The following NPIPB9 variants were observed in gnomAD, a reference collection of about 807,000 sequenced individuals.
NPIPB9 encodes nuclear pore complex interacting protein family member B9.
In NPIPB9, 1 loss-of-function variant was observed where a neutral mutation model predicts 5.6. The ratio of observed to expected loss-of-function variants is 0.18; its 90% confidence interval spans 0.06 to 0.84. The LOEUF (loss-of-function observed/expected upper bound fraction) is 0.84, where lower values mean the gene tolerates loss of function less well. NPIPB9 is among the 40% of genes least tolerant of loss of function. The probability of loss-of-function intolerance (pLI) is 0.70; values close to 1 mark genes in which losing one functional copy is unlikely to be tolerated. For synonymous variants in NPIPB9, 2 were observed against 12.5 expected, an observed-to-expected ratio of 0.16 and a Z score of 1.77; for missense variants, 3 against 39.1, an observed-to-expected ratio of 0.08 and a Z score of 2.46.
At chr16:28,765,397 T>C (rs1162597950) in intron 3 of NPIPB9, among the ~76,000 whole-genome samples, 9 of 49,480 alleles carry the variant, frequency 1.8e-4, no homozygotes, top group Admixed American at 3.7e-4. Flanking sequence ...CTACCGCACC[T>C]GGGCTATTTT....
intron 3 of NPIPB9, among the ~76,000 whole-genome samples, chr16:28,765,406 T>C (rs2049140264): frequency 1.8e-5 from 1 of 54,290 alleles, no homozygotes; most frequent in Non-Finnish European, 3.3e-5. Context: ...CTGGGCTATT[T>C]TTTTTTTTTT....
rs3986723 is a variant in NPIPB9 at position 28,752,524 on chromosome 16, A to G, written c.-44A>G. ...CCCACAGTTCCTGTCGCATGACCAG[A>G]GCCAGTTCACCAAGGAGCTGCAGCA... is the stretch of plus-strand genomic sequence containing the variant. On this transcript the variant is annotated 5_prime_UTR_variant, in exon 1 of 8. Transcript: ENST00000550983. 1.9e-5 allele frequency: 26 copies of G among 1,378,476 alleles called. 7 individuals are homozygous for G. Among genetic ancestry groups the G allele is most frequent in the South Asian group, 1.4e-4 (12 of 83,398 alleles). The allele number at this position is 1,378,476 out of a possible 1,614,324, so 85.4% of individuals were successfully genotyped here. A position where few individuals can be genotyped will look rare whatever the true frequency, so the allele number is the denominator to read the frequency against.
At chr16:28,758,517 C>CCCTCCCCTT (rs2048925407) in intron 2 of NPIPB9, 2 of 52,996 alleles carry the variant, frequency 3.8e-5, no homozygotes, top group Admixed American at 1.8e-4. Flanking sequence ...CCCTTACTTC[C>CCCTCCCCTT]CCCCTTCCCC....
rs1185553979 is a variant in NPIPB9, at chr16:28,753,525, CAT to C, written c.25+935_25+936del. ...ATATAGATACACACACACACACACA[CAT>C]ACATACACACACACACACACACACA... On this transcript the variant is annotated intron_variant, in intron 1 of 7. Coordinates refer to ENST00000550983, the Ensembl canonical transcript of NPIPB9. 4.7e-3 allele frequency among the ~76,000 whole-genome samples: 214 copies of C among 46,000 alleles called. 8 individuals are homozygous for C. The highest frequency in any genetic ancestry group is 9.8e-3 in the African/African-American group (131 of 13,366). The allele number at this position is 46,000 out of a possible 152,430, so 30.2% of individuals were successfully genotyped here.
In NPIPB9 at chr16:28,763,641, CT is replaced by C. The variant is rs1217435938; in HGVS notation, c.294+1224del. On this transcript the variant is annotated intron_variant, in intron 3 of 7. Transcript: ENST00000550983. ...AATTTTTGGTATAAATTGGAGGAAG[CT>C]TTTTTTTTTTTTTTTCCTTTTCTCA... is the stretch of plus-strand genomic sequence containing the variant. Among the ~76,000 whole-genome samples, 243 of 30,910 alleles carry C rather than the reference CT, an allele frequency of 7.9e-3. 36 individuals are homozygous for C. The highest frequency in any genetic ancestry group is 0.01 in the Non-Finnish European group (186 of 18,036). 20.3% of individuals were successfully genotyped at this position (30,910 alleles called of 152,430 possible). A position where few individuals can be genotyped will look rare whatever the true frequency, so the allele number is the denominator to read the frequency against.
At chr16:28,753,372 AT>A (rs1222755039) in intron 1 of NPIPB9, among the ~76,000 whole-genome samples, 1 of 59,266 alleles carries the variant, frequency 1.7e-5, no homozygotes, top group East Asian at 4.1e-4. Flanking sequence ...ATTCTCCTTC[AT>A]TTGTTTTGAA....
chr16:28,756,112 C>A (rs2048803256), intron 1 of NPIPB9, among the ~76,000 whole-genome samples: 2 of 78,808 alleles, frequency 2.5e-5, no homozygotes, highest in African/African-American at 7.9e-5. Flanking sequence ...GTACTCTCTG[C>A]CATTCACTTT....
At chr16:28,753,523 C>T (rs1176462755) in intron 1 of NPIPB9, among the ~76,000 whole-genome samples, 6 of 66,604 alleles carry the variant, frequency 9.0e-5, no homozygotes, top group African/African-American at 3.7e-4. Flanking sequence ...CACACACACA[C>T]ACATACATAC....
chr16:28,763,641 C>CT (rs1217435938), intron 3 of NPIPB9, among the ~76,000 whole-genome samples: 363 of 30,916 alleles, frequency 0.012, 28 homozygotes, highest in African/African-American at 0.023. Flanking sequence ...TTGGAGGAAG[C>CT]TTTTTTTTTT....
intron 5 of NPIPB9, among the ~76,000 whole-genome samples, chr16:28,769,926 C>T: frequency 7.5e-6 from 1 of 132,942 alleles, no homozygotes; most frequent in African/African-American, 2.7e-5. Context: ...GTTTATAAGC[C>T]CAGCTGTTTC....
At chr16:28,769,424 GGTGGATCATGT>G (rs1368912907) in intron 5 of NPIPB9, 1 of 199,330 alleles carries the variant, frequency 5.0e-6, no homozygotes, top group East Asian at 2.8e-4. Context: ...CACATGGACT[GGTGGATCATGT>G]GTGTGCATTT....
chr16:28,753,531 T>C (rs572098107), intron 1 of NPIPB9, among the ~76,000 whole-genome samples: 1,619 of 41,888 alleles, frequency 0.039, 112 homozygotes, highest in East Asian at 0.047. Flanking sequence ...CACACATACA[T>C]ACACACACAC....
intron 2 of NPIPB9, chr16:28,758,622 C>A: frequency 2.6e-6 from 1 of 384,884 alleles, no homozygotes; most frequent in South Asian, 1.8e-5. Context: ...GGCCCCGGTC[C>A]CCGTCCCCTT....
chr16:28,756,243 C>T (rs858174), intron 1 of NPIPB9, among the ~76,000 whole-genome samples: 3 of 130,608 alleles, frequency 2.3e-5, no homozygotes, highest in African/African-American at 2.7e-5. Context: ...TCCATTCTGT[C>T]ACCCAGGCTG....
chr16:28,758,406 G>A (rs2048913990), intron 2 of NPIPB9, among the ~76,000 whole-genome samples: 1 of 119,808 alleles, frequency 8.3e-6, no homozygotes, highest in African/African-American at 3.0e-5. Flanking sequence ...CAGCGCTTGA[G>A]AACTTAATTT....
intron 3 of NPIPB9, among the ~76,000 whole-genome samples, chr16:28,765,475 A>G (rs2049145025): frequency 2.9e-5 from 1 of 34,012 alleles, no homozygotes; most frequent in Non-Finnish European, 5.6e-5. Context: ...GCAATGGCAC[A>G]ATCTCAGCTC....
At chr16:28,753,413 G>A (rs77540301) in intron 1 of NPIPB9, among the ~76,000 whole-genome samples, 17,346 of 29,506 alleles carry the variant, frequency 0.59, 6,999 homozygotes, top group East Asian at 1. Context: ...AAAGTCCAAT[G>A]GTAATAATTA....
chr16:28,765,738 T>C (rs1400890776), intron 3 of NPIPB9, among the ~76,000 whole-genome samples: 28 of 83,062 alleles, frequency 3.4e-4, no homozygotes, highest in Non-Finnish European at 4.8e-4. Context: ...TGTGTGTGTG[T>C]GTGTGTGTGT....
chr16:28,756,443 T>C (rs1236589888), intron 1 of NPIPB9, among the ~76,000 whole-genome samples: 1 of 113,416 alleles, frequency 8.8e-6, no homozygotes, highest in African/African-American at 2.9e-5. Flanking sequence ...AACCTCGTGA[T>C]CCGCCTGCCT....
Sources: allele counts gnomAD v4.1 joint callset (sites outside exome capture counted in the v4.1 genomes callset), GRCh38; gene constraint gnomAD v4.1.1; transcripts MANE v1.5; gene names NCBI Gene and HGNC (gene_info 2026-07-23, HGNC 2026-07-21).